The following RBFOX1 variants were observed in gnomAD, a reference collection of about 807,000 sequenced individuals.
RBFOX1 encodes RNA binding fox-1 homolog 1, also known as RNA binding protein fox-1 homolog 1.
In RBFOX1, 8 loss-of-function variants were observed where a neutral mutation model predicts 57.7. The ratio of observed to expected loss-of-function variants is 0.14; its 90% confidence interval spans 0.08 to 0.25. The LOEUF is 0.25. RBFOX1 is among the 10% of genes least tolerant of loss of function. The probability of loss-of-function intolerance (pLI) is 1.00; values close to 1 mark genes in which losing one functional copy is unlikely to be tolerated. For synonymous variants in RBFOX1, 326 were observed against 222.4 expected (o/e 1.47, Z -4.15); for missense variants, 611 against 548.5 (o/e 1.11, Z -1.14).
chr16:6,121,047 C>T (rs1368534639), intron 1 of RBFOX1, among the ~76,000 whole-genome samples: 1 of 152,170 alleles, frequency 6.6e-6, no homozygotes, highest in African/African-American at 2.4e-5. Context: ...ATGATTTATT[C>T]ATGTGTGTCC....
At chr16:6,680,242 G>C (rs12149942) in intron 3 of RBFOX1, among the ~76,000 whole-genome samples, 145,676 of 148,494 alleles carry the variant, frequency 0.98, 71,516 homozygotes, top group Middle Eastern at 1. Flanking sequence ...CTATGAGTAT[G>C]ATTCCTGTCT....
At chr16:7,101,106 A>C (rs1028648634) in intron 4 of RBFOX1, among the ~76,000 whole-genome samples, 1 of 152,184 alleles carries the variant, frequency 6.6e-6, no homozygotes, top group Non-Finnish European at 1.5e-5. Flanking sequence ...TTCTCATGCT[A>C]TGGTACTTTT....
chr16:6,943,320 C>G (rs557524919), intron 3 of RBFOX1, among the ~76,000 whole-genome samples: 55 of 152,304 alleles, frequency 3.6e-4, no homozygotes, highest in African/African-American at 1.3e-3. Context: ...CCAAATATGG[C>G]TTGAAAAGGA....
chr16:5,737,975 T>G (rs2151581859), intron 3 of RBFOX1, among the ~76,000 whole-genome samples: 2 of 152,222 alleles, frequency 1.3e-5, no homozygotes, highest in African/African-American at 4.8e-5. Context: ...TCATCTACAT[T>G]AAGTATTTCT....
chr16:5,485,519 T>C (rs2069702739), intron 2 of RBFOX1, among the ~76,000 whole-genome samples: 1 of 152,110 alleles, frequency 6.6e-6, no homozygotes, highest in Non-Finnish European at 1.5e-5. Flanking sequence ...CTAACAAATA[T>C]GAAGCCCATA....
In RBFOX1 at chr16:5,929,293, C is replaced by T. The variant is rs543247186; in HGVS notation, c.351+61958C>T. Among the ~76,000 whole-genome samples, 199 of 152,226 alleles carry T rather than the reference C, an allele frequency of 1.3e-3. 1 individual carries two copies. Among genetic ancestry groups the T allele is most frequent in the Non-Finnish European group, 1.6e-3 (110 of 68,014 alleles). On this transcript the variant is annotated intron_variant, in intron 4 of 19. Coordinates refer to the RBFOX1 transcript ENST00000641259. ...GCAAGTTCAAGTTCTTACTTAGGCT[C>T]ACCTTCAAGTTCAGTCTTAAGCCTC...
intron 4 of RBFOX1, among the ~76,000 whole-genome samples, chr16:5,878,630 C>T (rs913709613): frequency 6.6e-6 from 1 of 152,086 alleles, no homozygotes; most frequent in Non-Finnish European, 1.5e-5. Flanking sequence ...GCCTGATTCC[C>T]GGCACTAATG....
intron 1 of RBFOX1, among the ~76,000 whole-genome samples, chr16:6,248,684 G>A (rs1404050718): frequency 2.6e-5 from 4 of 152,192 alleles, no homozygotes; most frequent in Admixed American, 2.0e-4. Context: ...TGATGGAGGG[G>A]TGATTTGATA....
At chr16:6,965,918 G>A (rs188305427) in intron 3 of RBFOX1, among the ~76,000 whole-genome samples, 52 of 152,280 alleles carry the variant, frequency 3.4e-4, no homozygotes, top group African/African-American at 1.2e-3. Flanking sequence ...TAGTAGCAGA[G>A]TTGGCATTTA....
At chr16:6,697,754 C>G (rs1046171047) in intron 3 of RBFOX1, among the ~76,000 whole-genome samples, 2 of 152,164 alleles carry the variant, frequency 1.3e-5, no homozygotes, top group Non-Finnish European at 2.9e-5. Flanking sequence ...GGAAGGAAAA[C>G]AGATACTGAG....
At chr16:6,047,568 G>A (rs2095508258) in intron 1 of RBFOX1, among the ~76,000 whole-genome samples, 1 of 152,152 alleles carries the variant, frequency 6.6e-6, no homozygotes, top group Non-Finnish European at 1.5e-5. Flanking sequence ...GCAGGGAATG[G>A]ACAACAATAC....
intron 3 of RBFOX1, among the ~76,000 whole-genome samples, chr16:6,757,917 A>G (rs1042469592): frequency 2.6e-5 from 4 of 152,208 alleles, no homozygotes; most frequent in African/African-American, 4.8e-5. Context: ...AATATGTACA[A>G]TTATTATGCA....
Position 5,599,139 on chromosome 16 carries a change from T to TTGGGAAA in RBFOX1, c.496_497insTGGGAAA (p.Ser166LeufsTer100), listed in dbSNP as rs71404537. ...TTCCAGAGCACTTGCACAATTTCTA[T>TTGGGAAA]CACTTGGGCCGTATTCCCAGCCTCT... On this transcript the variant is annotated frameshift_variant, in exon 3 of 3. Transcript: ENST00000585867. LOFTEE classifies it low-confidence loss of function (END_TRUNC). The TTGGGAAA allele has an allele frequency of 1.4e-6, 1 of 721,656 alleles. No homozygotes were observed. Among genetic ancestry groups the TTGGGAAA allele is most frequent in the African/African-American group, 1.7e-5 (1 of 57,256 alleles). 44.7% of individuals were successfully genotyped at this position (721,656 alleles called of 1,614,324 possible). A position where few individuals can be genotyped will look rare whatever the true frequency, so the allele number is the denominator to read the frequency against.
At chr16:7,107,795 A>G (rs534500786) in intron 4 of RBFOX1, among the ~76,000 whole-genome samples, 10 of 152,242 alleles carry the variant, frequency 6.6e-5, no homozygotes, top group Admixed American at 4.6e-4. Context: ...TCTTTTTTCC[A>G]TATGTCTTTT....
chr16:6,803,372 C>G (rs1443897467), intron 3 of RBFOX1, among the ~76,000 whole-genome samples: 2 of 152,098 alleles, frequency 1.3e-5, no homozygotes, highest in African/African-American at 4.8e-5. Flanking sequence ...CAGAGAAGAA[C>G]AATCTGCAGG....
At chr16:5,675,089 A>T (rs946200413) in intron 3 of RBFOX1, among the ~76,000 whole-genome samples, 1 of 152,154 alleles carries the variant, frequency 6.6e-6, no homozygotes, top group Non-Finnish European at 1.5e-5. Context: ...TCAAGGCTGC[A>T]GTGAGCTGTG....
intron 4 of RBFOX1, among the ~76,000 whole-genome samples, chr16:7,482,606 C>T (rs955524451): frequency 1.5e-5 from 2 of 129,642 alleles, no homozygotes; most frequent in African/African-American, 5.9e-5. Context: ...GCCTCGGGTA[C>T]ACAAATTCTG....
intron 3 of RBFOX1, among the ~76,000 whole-genome samples, chr16:6,971,639 A>C (rs1012390936): frequency 1.3e-5 from 2 of 152,114 alleles, no homozygotes; most frequent in African/African-American, 2.4e-5. Flanking sequence ...AATGGAGTCA[A>C]ACATTCCAAT....
Position 6,483,677 on chromosome 16 carries a change from G to A in RBFOX1, c.-64+166620G>A. ...AAGCCCACTGACTCCGCGGGAGGGG[G>A]TTGCAGAGGGACGGGGGCGGGCGAC... On this transcript the variant is annotated intron_variant, in intron 2 of 15. Transcript: ENST00000550418. 3.2e-6 allele frequency: 4 copies of A among 1,269,410 alleles called. No homozygotes were observed. In the South Asian group the frequency reaches 4.4e-5, roughly 14 times the overall value. The allele number at this position is 1,269,410 out of a possible 1,614,324, so 78.6% of individuals were successfully genotyped here. A position where few individuals can be genotyped will look rare whatever the true frequency, so the allele number is the denominator to read the frequency against.
Sources: gnomAD v4.1 joint callset for allele counts (sites outside exome capture counted in the v4.1 genomes callset) on GRCh38, gnomAD v4.1.1 for gene constraint, MANE v1.5 for transcripts, NCBI Gene and HGNC (gene_info 2026-07-23, HGNC 2026-07-21) for gene names.